Variants in COG4 observed in about 807,000 individuals in gnomAD.
The protein encoded by COG4 is conserved oligomeric Golgi complex subunit 4.
A neutral mutation model predicts 95.1 loss-of-function variants in COG4; 65 were observed. The observed-to-expected ratio is 0.68, with a 90% CI of 0.56 to 0.84. The LOEUF (loss-of-function observed/expected upper bound fraction) is 0.84, where lower values mean the gene tolerates loss of function less well. COG4 is among the 40% of genes least tolerant of loss of function. The pLI, the probability that COG4 is intolerant of heterozygous loss-of-function variation, is 0.00. For synonymous variants in COG4, 421 were observed against 374.8 expected (o/e 1.12, Z -1.42); for missense variants, 1,045 against 989.1 (o/e 1.06, Z -0.76).
chr16:70,490,077 G>A (rs775979083), intron 13 of COG4, among the ~76,000 whole-genome samples: 17 of 152,010 alleles, frequency 1.1e-4, no homozygotes, highest in Non-Finnish European at 1.9e-4. Context: ...CTTGGCCTCC[G>A]AAAGTGCTGG....
intron 8 of COG4, among the ~76,000 whole-genome samples, chr16:70,502,093 C>A (rs2049463989): frequency 6.7e-6 from 1 of 148,756 alleles, no homozygotes; most frequent in South Asian, 2.1e-4. Flanking sequence ...ACCATCCCGG[C>A]CAACATGGTG....
intron 3 of COG4, among the ~76,000 whole-genome samples, chr16:70,517,172 T>C (rs2049839215): frequency 6.6e-6 from 1 of 152,084 alleles, no homozygotes; most frequent in Non-Finnish European, 1.5e-5. Context: ...GTGATGGGAT[T>C]GTAGGTGTTA....
intron 15 of COG4, 112 bp from the exon 16 acceptor site, chr16:70,482,287 G>A (rs2049015476): frequency 1.3e-6 from 1 of 780,800 alleles, no homozygotes; most frequent in Non-Finnish European, 2.2e-6. Flanking sequence ...CCTTCCCTGT[G>A]CCTTCTGACT....
Position 70,482,094 on chromosome 16 carries a change from T to C in COG4, c.2002A>G (p.Lys668Glu). ...LNLEQQMAEFKASLSPVIYDS... is the reference protein window; with the variant it reads ...LNLEQQMAEFEASLSPVIYDS... ...GGATCCCTAGGGCCCCTGCTCACCTTGAACTCTGCCATTTGCTGCTCCAGG... is the reference window on the plus strand; with the variant it reads ...GGATCCCTAGGGCCCCTGCTCACCTCGAACTCTGCCATTTGCTGCTCCAGG... The change falls in exon 16 of 19, where the codon AAG (lysine) becomes GAG (glutamate). Residue 668 changes from lysine to glutamate, a missense_variant and splice_region_variant. Lys to Glu is a moderately conservative substitution (Grantham distance 56, BLOSUM62 1). Coordinates refer to ENST00000323786, the MANE Select transcript of COG4 (RefSeq NM_015386.3). The C allele has an allele frequency of 1.2e-6, 2 of 1,613,246 alleles. No homozygotes were observed. Among genetic ancestry groups the C allele is most frequent in the East Asian group, 2.2e-5 (1 of 44,872 alleles).
intron 12 of COG4, among the ~76,000 whole-genome samples, chr16:70,495,397 C>CAAAA (rs11382671): frequency 1.3e-4 from 15 of 111,320 alleles, no homozygotes; most frequent in South Asian, 8.6e-4. Context: ...GACTCCATCT[C>CAAAA]AAAAAAAAAA....
chr16:70,501,092 C>T lies in COG4; in HGVS notation c.1062-1G>A. ...CTCAGTCAGGATGGGGTCCAGTTCT[C>T]TGAGACACATGGAGCAGAAGGAATA... On this transcript the variant is annotated splice_acceptor_variant, in intron 8 of 18. Coordinates refer to ENST00000323786, the MANE Select transcript of COG4 (RefSeq NM_015386.3). LOFTEE classifies it high-confidence loss of function. 6.2e-7 allele frequency: 1 copy of T among 1,613,170 alleles called. No individual in the cohort carries two copies. The highest frequency in any genetic ancestry group is 8.5e-7 in the Non-Finnish European group (1 of 1,180,012).
Position 70,508,412 on chromosome 16 carries a change from T to C in COG4, c.1055A>G (p.Glu352Gly). The change falls in exon 8 of 19, where the codon GAA becomes GGA. Residue 352 changes from glutamate to glycine, a missense_variant. Coordinates refer to ENST00000323786, the MANE Select transcript of COG4 (RefSeq NM_015386.3). ...AAGAGAGAAGGATTATTACCTTGGTTCGATTTTTTCTGTTGTAGAATTTCT... is the reference window on the plus strand; with the variant it reads ...AAGAGAGAAGGATTATTACCTTGGTCCGATTTTTTCTGTTGTAGAATTTCT... ...LMRNSTTEKI[E>G]PRELDPILTE... The C allele has an allele frequency of 6.2e-7, 1 of 1,613,934 alleles. No individual in the cohort carries two copies. Among genetic ancestry groups the C allele is most frequent in the Non-Finnish European group, 8.5e-7 (1 of 1,179,792 alleles).
chr16:70,510,936 G>T (rs1289610411), intron 5 of COG4, among the ~76,000 whole-genome samples: 3 of 152,034 alleles, frequency 2.0e-5, no homozygotes, highest in Non-Finnish European at 2.9e-5. Context: ...GCTAATTTTT[G>T]TATTTTTTAG....
intron 4 of COG4, 68 bp downstream of exon 4, chr16:70,514,267 C>G: frequency 1.4e-6 from 2 of 1,430,022 alleles, no homozygotes; most frequent in East Asian, 2.3e-5. Flanking sequence ...TTTTATTGGT[C>G]GAGTCTGCTT....
intron 8 of COG4, among the ~76,000 whole-genome samples, chr16:70,506,631 A>AT (rs2049582929): frequency 7.7e-6 from 1 of 129,716 alleles, no homozygotes; most frequent in Non-Finnish European, 1.6e-5. Context: ...AAAAAAAAAC[A>AT]TTTAGCTGGG....
At chr16:70,515,210 T>A (rs1186812888) in intron 3 of COG4, among the ~76,000 whole-genome samples, 2 of 151,594 alleles carry the variant, frequency 1.3e-5, no homozygotes, top group African/African-American at 2.4e-5. Context: ...GAGACAAGGT[T>A]TTGCCATGTT....
At chr16:70,495,193 C>A (rs1350199715) in intron 12 of COG4, among the ~76,000 whole-genome samples, 1 of 150,536 alleles carries the variant, frequency 6.6e-6, no homozygotes, top group African/African-American at 2.5e-5. Flanking sequence ...AAGTTCGAGA[C>A]CAGCCTGGCC....
intron 1 of COG4, among the ~76,000 whole-genome samples, chr16:70,521,847 G>A (rs1371960988): frequency 1.5e-4 from 20 of 133,018 alleles, no homozygotes; most frequent in Admixed American, 3.0e-4. Flanking sequence ...GACTACAGGC[G>A]CCCGCCACCA....
intron 8 of COG4, 144 bp from the exon 9 acceptor site, chr16:70,501,235 G>T: frequency 1.3e-6 from 1 of 796,288 alleles, no homozygotes; most frequent in Non-Finnish European, 2.1e-6. Context: ...AGCTCTGCTG[G>T]CCCAATTAGA....
chr16:70,513,771 A>G (rs1354750069), intron 4 of COG4, among the ~76,000 whole-genome samples: 1 of 152,216 alleles, frequency 6.6e-6, no homozygotes, highest in East Asian at 1.9e-4. Context: ...TTTCCTTAAT[A>G]TTTTTGGACT....
chr16:70,484,049 C>T, intron 13 of COG4, 80 bp from the exon 14 acceptor site: 1 of 1,011,142 alleles, frequency 9.9e-7, no homozygotes, highest in Non-Finnish European at 1.6e-6. Context: ...AGTTCTACTC[C>T]TCCAGCCAGC....
chr16:70,517,525 C>T (rs938403693), intron 3 of COG4, 101 bp downstream of exon 3: 37 of 699,012 alleles, frequency 5.3e-5, no homozygotes, highest in Non-Finnish European at 8.7e-5. Flanking sequence ...GGAGTTGGGG[C>T]TGTAGTGAGC....
intron 1 of COG4, 47 bp from the exon 2 acceptor site, chr16:70,519,778 C>T (rs1477614533): frequency 2.8e-5 from 39 of 1,403,082 alleles, no homozygotes; most frequent in Non-Finnish European, 3.7e-5. Context: ...CAGAAGGAAC[C>T]TTAAGAGTTA....
chr16:70,482,193 G>C lies in COG4; in HGVS notation c.1921-18C>G, dbSNP rs746133806. On this transcript the variant is annotated intron_variant, in intron 15 of 18. Coordinates refer to ENST00000323786, the MANE Select transcript of COG4 (RefSeq NM_015386.3). ...AATTCTTCCTGTTGTCAGGAAGCAG[G>C]GCTGGTCACCATGGGCCTCATAAGA... 3.9e-6 allele frequency: 6 copies of C among 1,555,700 alleles called. No individual in the cohort carries two copies. In the South Asian group the frequency reaches 5.6e-5, roughly 14 times the overall value.
Sources: gnomAD v4.1 joint callset for allele counts (sites outside exome capture counted in the v4.1 genomes callset) on GRCh38, gnomAD v4.1.1 for gene constraint, MANE v1.5 for transcripts, NCBI Gene and HGNC (gene_info 2026-07-23, HGNC 2026-07-21) for gene names.